DNAH14: variants seen among roughly 807,000 people sequenced by gnomAD.
DNAH14 encodes the protein dynein axonemal heavy chain 14, also known as axonemal beta dynein heavy chain 14.
DNAH14 carries 478 observed loss-of-function variants against 520.9 expected under a neutral mutation model. The ratio of observed to expected loss-of-function variants is 0.92; its 90% confidence interval spans 0.85 to 0.99. DNAH14 has a LOEUF of 0.99. DNAH14 is among the 50% of genes least tolerant of loss of function. The probability of loss-of-function intolerance (pLI) is 0.00; values close to 1 mark genes in which losing one functional copy is unlikely to be tolerated. For missense variants in DNAH14, 4,831 were observed against 5,234.5 expected, an observed-to-expected ratio of 0.92 and a Z score of 2.38; for synonymous variants, 1,581 against 1,757.2, an observed-to-expected ratio of 0.90 and a Z score of 2.51.
rs938706622 is a variant in DNAH14 at position 225,145,317 on chromosome 1, G to A, written c.4741-9G>A. Reference sequence around the variant, plus strand: ...TCAAGAAAGATACTAAAATATTTTTGTTTCCCAGTCCTTAGGCAAACATTG... The same window carrying A: ...TCAAGAAAGATACTAAAATATTTTTATTTCCCAGTCCTTAGGCAAACATTG... On this transcript the variant is annotated splice_polypyrimidine_tract_variant and intron_variant, in intron 29 of 85. Transcript: ENST00000682510. 79 of 1,539,312 alleles carry A rather than the reference G, an allele frequency of 5.1e-5. No individual in the cohort carries two copies. In the Admixed American group the frequency reaches 1.5e-3, roughly 30 times the overall value.
intron 8 of DNAH14, among the ~76,000 whole-genome samples, chr1:224,992,446 T>G (rs1347837076): frequency 6.6e-6 from 1 of 152,140 alleles, no homozygotes; most frequent in Non-Finnish European, 1.5e-5. Flanking sequence ...TTGATTAAAT[T>G]TATTCCTAAG....
intron 60 of DNAH14, among the ~76,000 whole-genome samples, chr1:225,311,749 G>A (rs2094370113): frequency 6.6e-6 from 1 of 152,118 alleles, no homozygotes. Flanking sequence ...AAGATCAGAT[G>A]GTTGTAGATG....
chr1:225,310,555 C>T (rs944574204), intron 60 of DNAH14, among the ~76,000 whole-genome samples: 8 of 152,056 alleles, frequency 5.3e-5, no homozygotes, highest in African/African-American at 1.4e-4. Context: ...CCCATTAACC[C>T]GTCATCCACA....
chr1:225,356,679 A>G (rs1396856718), intron 73 of DNAH14, among the ~76,000 whole-genome samples: 2 of 152,212 alleles, frequency 1.3e-5, no homozygotes, highest in African/African-American at 4.8e-5. Flanking sequence ...AAATATCTAG[A>G]AGGAGCCACA....
At chr1:225,110,523 C>A (rs1259282188) in intron 23 of DNAH14, among the ~76,000 whole-genome samples, 1 of 151,370 alleles carries the variant, frequency 6.6e-6, no homozygotes, top group Non-Finnish European at 1.5e-5. Flanking sequence ...GTTGTCATGT[C>A]TCCTTTTTTA....
intron 55 of DNAH14, among the ~76,000 whole-genome samples, chr1:225,291,895 A>G (rs1405302431): frequency 1.3e-5 from 2 of 151,622 alleles, no homozygotes; most frequent in African/African-American, 4.8e-5. Flanking sequence ...TGTTCACATC[A>G]TTTGCCCATT....
At chr1:224,967,368 T>C in intron 5 of DNAH14, 63 bp from the exon 6 acceptor site, 3 of 1,223,388 alleles carry the variant, frequency 2.5e-6, no homozygotes, top group Non-Finnish European at 3.3e-6. Flanking sequence ...TCACCCATTG[T>C]ATTAATTTAG....
rs530956582 is a variant in DNAH14 at position 225,335,231 on chromosome 1, A to G, written c.10080+1725A>G. On this transcript the variant is annotated intron_variant, in intron 66 of 85. Transcript: ENST00000682510. The stretch of plus-strand genomic sequence containing the variant: ...TACATGTGTGTATATATGCACATAT[A>G]CACATGTGTACATTGTGTGTATATG... 2.2e-4 allele frequency among the ~76,000 whole-genome samples: 30 copies of G among 134,876 alleles called. 4 individuals carry two copies. In the East Asian group the frequency reaches 5.8e-3, roughly 26 times the overall value. The allele number at this position is 134,876 out of a possible 152,430, so 88.5% of individuals were successfully genotyped here. A position where few individuals can be genotyped will look rare whatever the true frequency, so the allele number is the denominator to read the frequency against.
intron 10 of DNAH14, among the ~76,000 whole-genome samples, chr1:225,008,408 A>G (rs1173584349): frequency 6.6e-6 from 1 of 152,140 alleles, no homozygotes; most frequent in East Asian, 1.9e-4. Context: ...TCTTTATAGT[A>G]GAATGATTTA....
chr1:225,119,457 AACATGATGAC>A (rs1276875322), intron 26 of DNAH14, among the ~76,000 whole-genome samples, 163 bp downstream of exon 26: 2 of 152,208 alleles, frequency 1.3e-5, no homozygotes, highest in Non-Finnish European at 2.9e-5. Flanking sequence ...GTTTTAATGG[AACATGATGAC>A]ACATGATGAC....
chr1:225,196,826 A>G (rs1010422243), intron 38 of DNAH14, among the ~76,000 whole-genome samples: 2 of 151,602 alleles, frequency 1.3e-5, no homozygotes, highest in Admixed American at 1.3e-4. Flanking sequence ...AGAATTGTCT[A>G]TTCATATCTT....
intron 10 of DNAH14, 101 bp from the exon 11 acceptor site, chr1:225,023,513 AT>A: frequency 1.1e-6 from 1 of 921,974 alleles, no homozygotes; most frequent in Non-Finnish European, 1.6e-6. Context: ...AATTCTTAAC[AT>A]TCACATCTAA....
chr1:225,282,087 G>A (rs1418861136), intron 54 of DNAH14, among the ~76,000 whole-genome samples: 1 of 152,180 alleles, frequency 6.6e-6, no homozygotes, highest in Non-Finnish European at 1.5e-5. Flanking sequence ...CTAAATATAT[G>A]TGTAGTTTTT....
intron 36 of DNAH14, among the ~76,000 whole-genome samples, chr1:225,180,016 C>A (rs770442606): frequency 1.6e-4 from 24 of 151,976 alleles, no homozygotes; most frequent in Admixed American, 4.6e-4. Flanking sequence ...TTATTTGCTT[C>A]TTTCTCTTTC....
intron 7 of DNAH14, among the ~76,000 whole-genome samples, chr1:224,973,397 T>G (rs567478071): frequency 2.0e-5 from 3 of 152,370 alleles, no homozygotes; most frequent in South Asian, 2.1e-4. Flanking sequence ...TAAAGGTGGT[T>G]GTTTTCCTCT....
chr1:225,113,594 T>G (rs527382583), intron 23 of DNAH14, among the ~76,000 whole-genome samples: 1 of 152,322 alleles, frequency 6.6e-6, no homozygotes, highest in African/African-American at 2.4e-5. Context: ...GGGCCCTGGG[T>G]GGTTCCAGAG....
chr1:225,051,214 G>A (rs2068504909), intron 16 of DNAH14, among the ~76,000 whole-genome samples: 1 of 152,162 alleles, frequency 6.6e-6, no homozygotes, highest in Admixed American at 6.5e-5. Context: ...AAAATAACAT[G>A]TTAATTATAA....
At chr1:225,103,663 G>A (rs897597184) in intron 23 of DNAH14, among the ~76,000 whole-genome samples, 9 of 152,252 alleles carry the variant, frequency 5.9e-5, no homozygotes, top group Middle Eastern at 6.8e-3. Flanking sequence ...TTGTGAATGG[G>A]AGTTCACTCA....
At chr1:225,296,873 T>C (rs2094020708) in intron 55 of DNAH14, among the ~76,000 whole-genome samples, 1 of 152,198 alleles carries the variant, frequency 6.6e-6, no homozygotes, top group South Asian at 2.1e-4. Context: ...GTTTCCCATT[T>C]ATATGATGAC....
Sources: allele counts gnomAD v4.1 joint callset (sites outside exome capture counted in the v4.1 genomes callset), GRCh38; gene constraint gnomAD v4.1.1; transcripts MANE v1.5; gene names NCBI Gene and HGNC (gene_info 2026-07-23, HGNC 2026-07-21).